WWOX: variants seen among roughly 807,000 people sequenced by gnomAD.
The protein encoded by WWOX is WW domain-containing oxidoreductase.
Under a neutral mutation model 46.2 loss-of-function variants are expected in WWOX, and 69 were observed. The ratio of observed to expected loss-of-function variants is 1.49; its 90% CI spans 1.23 to 1.82. The LOEUF (loss-of-function observed/expected upper bound fraction) is 1.82. Among genes scored for constraint, WWOX ranks in the 40% most tolerant of loss-of-function variants. The pLI, the probability that WWOX is intolerant of heterozygous loss-of-function variation, is 0.00. For missense variants in WWOX, 919 were observed against 542.6 expected, an observed-to-expected ratio of 1.69 and a Z score of -6.89; for synonymous variants, 359 against 202.6, an observed-to-expected ratio of 1.77 and a Z score of -6.56.
intron 8 of WWOX, among the ~76,000 whole-genome samples, chr16:79,001,623 A>G (rs1423978988): frequency 1.3e-5 from 2 of 151,982 alleles, no homozygotes; most frequent in Non-Finnish European, 2.9e-5. Flanking sequence ...CACTTATGTA[A>G]TAAACTACTC....
intron 8 of WWOX, among the ~76,000 whole-genome samples, chr16:78,471,101 T>C (rs2738679): frequency 0.43 from 64,995 of 152,140 alleles, 17,794 homozygotes; most frequent in African/African-American, 0.79. Context: ...CCTTAGCGGT[T>C]TTCTTGCTTC....
At chr16:78,908,405 TG>T (rs1157054306) in intron 8 of WWOX, among the ~76,000 whole-genome samples, 2 of 152,038 alleles carry the variant, frequency 1.3e-5, no homozygotes, top group East Asian at 3.9e-4. Context: ...CCAGGCGTAG[TG>T]GTAGGCGCCT....
chr16:78,214,999 C>G (rs1386585296), intron 5 of WWOX, among the ~76,000 whole-genome samples: 1 of 152,152 alleles, frequency 6.6e-6, no homozygotes, highest in Non-Finnish European at 1.5e-5. Context: ...AGAGGATTGT[C>G]TTTGCTGTTT....
At chr16:78,156,590 A>T (rs2034608561) in intron 4 of WWOX, among the ~76,000 whole-genome samples, 1 of 152,150 alleles carries the variant, frequency 6.6e-6, no homozygotes, top group South Asian at 2.1e-4. Context: ...CGGAGATTGG[A>T]GGGTGTAAGG....
intron 8 of WWOX, among the ~76,000 whole-genome samples, chr16:78,815,325 G>GA (rs1387556312): frequency 2.7e-5 from 4 of 145,734 alleles, no homozygotes; most frequent in African/African-American, 1.0e-4. Flanking sequence ...ACTCTGTCTC[G>GA]AGAAAAAAAA....
intron 8 of WWOX, chr16:79,206,487 T>C (rs1177997290): frequency 6.6e-6 from 1 of 152,226 alleles, no homozygotes; most frequent in African/African-American, 2.4e-5. Context: ...CCCTGGCTCA[T>C]AGAGCTCTGT....
chr16:78,154,193 A>G (rs72804934), intron 4 of WWOX, among the ~76,000 whole-genome samples: 21,186 of 152,094 alleles, frequency 0.14, 1,589 homozygotes, highest in South Asian at 0.21. Flanking sequence ...TTTGCTTCCT[A>G]CATGATTTTC....
At chr16:78,743,150 C>T (rs1050440089) in intron 8 of WWOX, among the ~76,000 whole-genome samples, 1 of 152,022 alleles carries the variant, frequency 6.6e-6, no homozygotes, top group Non-Finnish European at 1.5e-5. Flanking sequence ...GTGCTGCAGC[C>T]GTTATTGATA....
chr16:78,960,116 G>C (rs553397314), intron 8 of WWOX, among the ~76,000 whole-genome samples: 1 of 152,182 alleles, frequency 6.6e-6, no homozygotes, highest in Non-Finnish European at 1.5e-5. Flanking sequence ...ATAAGGGGTT[G>C]TGCTGTGGCT....
chr16:78,768,919 G>A (rs528609068), intron 8 of WWOX, among the ~76,000 whole-genome samples: 2 of 152,176 alleles, frequency 1.3e-5, no homozygotes, highest in Non-Finnish European at 1.5e-5. Flanking sequence ...GCGCCATGGT[G>A]TAGGGGAGGA....
chr16:78,543,032 G>T (rs1338860863), intron 8 of WWOX, among the ~76,000 whole-genome samples: 1 of 152,210 alleles, frequency 6.6e-6, no homozygotes, highest in Non-Finnish European at 1.5e-5. Context: ...AGGGGATGTG[G>T]TTGGGGAAGG....
chr16:78,369,516 G>A (rs1195764644), intron 5 of WWOX, among the ~76,000 whole-genome samples: 1 of 152,172 alleles, frequency 6.6e-6, no homozygotes, highest in African/African-American at 2.4e-5. Context: ...TGCAACCAAG[G>A]AGGGGCAGCT....
At chr16:78,599,513 G>C (rs1372225011) in intron 8 of WWOX, among the ~76,000 whole-genome samples, 1 of 152,198 alleles carries the variant, frequency 6.6e-6, no homozygotes, top group Non-Finnish European at 1.5e-5. Context: ...CCCATGGATG[G>C]CCCTGGTCAT....
chr16:78,554,482 GATAGAT>G (rs1567640589), intron 8 of WWOX, among the ~76,000 whole-genome samples: 1 of 152,130 alleles, frequency 6.6e-6, no homozygotes, highest in Non-Finnish European at 1.5e-5. Context: ...TGGTAGAAGT[GATAGAT>G]ATAGATACAT....
chr16:78,244,721 G>C (rs1397480340), intron 5 of WWOX, among the ~76,000 whole-genome samples: 1 of 152,170 alleles, frequency 6.6e-6, no homozygotes. Context: ...AGCAACACTT[G>C]CACCTGCAGT....
At chr16:79,031,859 TATAG>T (rs1293569599) in intron 8 of WWOX, among the ~76,000 whole-genome samples, 3 of 143,204 alleles carry the variant, frequency 2.1e-5, no homozygotes, top group Admixed American at 7.1e-5. Context: ...ATATTATATA[TATAG>T]ATAGATATCT....
chr16:79,040,190 C>A (rs549274827), intron 8 of WWOX, among the ~76,000 whole-genome samples: 1 of 152,142 alleles, frequency 6.6e-6, no homozygotes, highest in South Asian at 2.1e-4. Context: ...TAGCGTTCAT[C>A]CTTGGTATGA....
intron 8 of WWOX, among the ~76,000 whole-genome samples, chr16:79,057,006 T>C (rs980454008): frequency 2.0e-5 from 3 of 152,208 alleles, no homozygotes; most frequent in Non-Finnish European, 4.4e-5. Context: ...TCGTTCACTT[T>C]TACAAATACG....
At chr16:78,972,635 C>G (rs2046494600) in intron 8 of WWOX, among the ~76,000 whole-genome samples, 1 of 152,090 alleles carries the variant, frequency 6.6e-6, no homozygotes, top group Non-Finnish European at 1.5e-5. Context: ...GCTGCACATC[C>G]CACCCTCTGT....
Sources: gnomAD v4.1 joint callset for allele counts (sites outside exome capture counted in the v4.1 genomes callset) on GRCh38, gnomAD v4.1.1 for gene constraint, MANE v1.5 for transcripts, NCBI Gene and HGNC (gene_info 2026-07-23, HGNC 2026-07-21) for gene names.